Variants in FN1 observed in about 807,000 individuals in gnomAD.
FN1 encodes the protein fibronectin.
In FN1, 106 loss-of-function variants were observed where a neutral mutation model predicts 297.3. The observed-to-expected ratio is 0.36, with a 90% CI of 0.30 to 0.42. The LOEUF is 0.42. Ranked by LOEUF, FN1 falls within the 10% of genes least tolerant of loss-of-function variation. The probability of loss-of-function intolerance (pLI) is 1.00; values close to 1 mark genes in which losing one functional copy is unlikely to be tolerated. For missense variants in FN1, 2,690 were observed against 3,124.9 expected (o/e 0.86, Z 3.32); for synonymous variants, 1,149 against 1,152.6 (o/e 1.00, Z 0.06).
rs149278155 is a variant in FN1 at position 215,384,935 on chromosome 2, G to T, written c.4654C>A (p.Pro1552Thr). ...TCCCAGCTGATCAGTAGGCTGGTGG[G>T]GGTCGCAGCAACAACTTCCAGGTCC... The part of the protein sequence containing the change: ...PRDLEVVAAT[P>T]TSLLISWDAP... Residue 1552 changes from proline (P) to threonine (T), a missense_variant, in exon 29 of 46, where the codon CCC becomes ACC. Physicochemically the swap from Pro to Thr is conservative, Grantham distance 38. Coordinates refer to ENST00000354785, the MANE Select transcript of FN1 (RefSeq NM_212482.4). 2.5e-6 allele frequency: 4 copies of T among 1,613,824 alleles called. No individual in the cohort carries two copies. The African/African-American group carries it at 5.3e-5, about 22-fold the overall frequency.
intron 13 of FN1, among the ~76,000 whole-genome samples, chr2:215,412,760 C>CTGTTTTTT (rs2062844766): frequency 5.1e-5 from 5 of 97,570 alleles, no homozygotes; most frequent in Non-Finnish European, 8.1e-5. Context: ...TATTAAGTAT[C>CTGTTTTTT]TTTTTTTTTT....
intron 20 of FN1, 119 bp from the exon 21 acceptor site, chr2:215,399,470 G>T: frequency 1.4e-6 from 1 of 725,410 alleles, no homozygotes; most frequent in Non-Finnish European, 2.5e-6. Flanking sequence ...GATAGAGGAT[G>T]TAACATATTT....
At chr2:215,420,401 T>C (rs2064113872) in intron 11 of FN1, among the ~76,000 whole-genome samples, 1 of 151,568 alleles carries the variant, frequency 6.6e-6, no homozygotes, top group African/African-American at 2.4e-5. Flanking sequence ...TTTAATAGCA[T>C]GGATTATCTT....
intron 6 of FN1, among the ~76,000 whole-genome samples, chr2:215,427,868 G>A (rs1309711307): frequency 2.0e-5 from 3 of 152,104 alleles, no homozygotes; most frequent in South Asian, 2.1e-4. Context: ...GTGTGTGTGC[G>A]TGTGTGCGTG....
In FN1 at chr2:215,386,733, T is replaced by C; in HGVS notation, c.4568A>G (p.Asn1523Ser). 1 of 1,614,046 alleles carries C rather than the reference T, an allele frequency of 6.2e-7. No individual in the cohort carries two copies. The highest frequency in any genetic ancestry group is 8.5e-7 in the Non-Finnish European group (1 of 1,179,988). ...CAATAAGGGACTTTCCTCTCTGCCA[T>C]TAAGAGCAACGATGCTGACCACATA... Reference protein sequence around the residue: ...TEYVVSIVALNGREESPLLIG... With the variant: ...TEYVVSIVALSGREESPLLIG... The change falls in exon 28 of 46, where the codon AAT becomes AGT. Residue 1523 changes from asparagine (N) to serine (S), a missense_variant. Asn to Ser is a conservative substitution (Grantham distance 46, BLOSUM62 1). Coordinates refer to ENST00000354785, the MANE Select transcript of FN1 (RefSeq NM_212482.4).
chr2:215,373,437 T>TTA, intron 38 of FN1, 26 bp from the exon 39 acceptor site: 1 of 1,580,136 alleles, frequency 6.3e-7, no homozygotes, highest in Non-Finnish European at 8.7e-7. Flanking sequence ...AACCATCACA[T>TTA]TATGTCAATG....
Position 215,386,910 on chromosome 2 carries a change from G to C in FN1, c.4391C>G (p.Ser1464Cys). 6.2e-7 allele frequency: 1 copy of C among 1,613,286 alleles called. No individual in the cohort carries two copies. The highest frequency in any genetic ancestry group is 1.3e-5 in the African/African-American group (1 of 74,912). Residue 1464 changes from serine (S) to cysteine (C), a missense_variant, in exon 28 of 46, where the codon TCT becomes TGT. Around this residue, in one of 3 missense-constraint regions of FN1, gnomAD observed 1,743 missense variants for 1,945.2 expected, o/e 0.90. Coordinates refer to ENST00000354785, the MANE Select transcript of FN1 (RefSeq NM_212482.4). ...GIDFSDITAN[S>C]FTVHWIAPRA... The stretch of plus-strand genomic sequence containing the variant: ...AGGAGCAATCCAGTGCACAGTAAAA[G>C]AGTTGGCAGTAATATCAGAAAAGTC...
intron 44 of FN1, chr2:215,363,176 C>T (rs1319656428): frequency 6.6e-6 from 1 of 152,178 alleles, no homozygotes; most frequent in Non-Finnish European, 1.5e-5. Flanking sequence ...ACAGTTTCCA[C>T]TCCTGTCTTA....
Position 215,372,076 on chromosome 2 carries a change from C to A in FN1, c.6547G>T (p.Glu2183Ter), listed in dbSNP as rs754396418. The stretch of plus-strand genomic sequence containing the variant: ...GGGTACAGGTGATAGTCTACATCTT[C>A]CCTGGGGATGTGACCAATTTGGATT... Reference protein sequence around the residue: ...EEIQIGHIPREDVDYHLYPHG... With the variant: ...EEIQIGHIPR The change falls in exon 40 of 46, where the codon GAA becomes TAA. Residue 2183 changes from glutamate to a stop codon, truncating the protein, a stop_gained. Transcript: ENST00000354785. LOFTEE classifies it high-confidence loss of function. The A allele has an allele frequency of 6.8e-6, 11 of 1,614,064 alleles. No homozygotes were observed. The highest frequency in any genetic ancestry group is 9.3e-6 in the Non-Finnish European group (11 of 1,180,044).
At position 215,372,137 on chromosome 2, in the gene FN1, A is replaced by G. The variant is rs762840394; in HGVS notation, c.6486T>C (p.His2162=). The G allele has an allele frequency of 9.2e-5, 148 of 1,614,114 alleles. No individual in the cohort carries two copies. Among genetic ancestry groups the G allele is most frequent in the East Asian group, 1.6e-4 (7 of 44,892 alleles). ...TPPTTATPIR[H]RPRPYPPNVG... is the part of the protein sequence containing the mutation. The stretch of plus-strand genomic sequence containing the variant: ...CATTCGGCGGGTATGGTCTTGGCCT[A>G]TGCCTTATGGGGGTGGCCGTTGTGG... Residue 2162 remains histidine (H), a synonymous_variant, in exon 40 of 46, where the codon CAT becomes CAC. Coordinates refer to ENST00000354785, the MANE Select transcript of FN1 (RefSeq NM_212482.4).
intron 17 of FN1, among the ~76,000 whole-genome samples, chr2:215,407,633 T>C (rs1006843043): frequency 2.0e-5 from 3 of 152,196 alleles, no homozygotes; most frequent in Admixed American, 6.5e-5. Flanking sequence ...TTTTCCTCTT[T>C]GAGCTCCAGA....
intron 10 of FN1, 66 bp downstream of exon 10, chr2:215,422,025 T>TA (rs934064189): frequency 2.6e-4 from 390 of 1,491,864 alleles, no homozygotes; most frequent in Middle Eastern, 6.8e-4. Flanking sequence ...CAAGTTTTCA[T>TA]AAAAAAAAGT....
At chr2:215,425,514 C>A (rs1233520219) in intron 6 of FN1, among the ~76,000 whole-genome samples, 2 of 152,120 alleles carry the variant, frequency 1.3e-5, no homozygotes, top group East Asian at 3.9e-4. Context: ...TCAGCTGGGG[C>A]TACTGGGATT....
intron 40 of FN1, 106 bp from the exon 41 acceptor site, chr2:215,370,538 G>GAAAAAAA: frequency 1.0e-5 from 4 of 393,362 alleles, no homozygotes; most frequent in South Asian, 5.1e-5. Context: ...AGCAAAGGAA[G>GAAAAAAA]ACAAAAAACA....
chr2:215,414,822 G>T lies in FN1; in HGVS notation c.1941+15C>A. On this transcript the variant is annotated intron_variant, in intron 13 of 45. Coordinates refer to ENST00000354785, the MANE Select transcript of FN1 (RefSeq NM_212482.4). ...AGGAGACTCAGTATCCAAGGTTTCT[G>T]GGTGGGATACTCACAGGTCTCCACC... is the stretch of plus-strand genomic sequence containing the variant. 1 of 1,613,686 alleles carries T rather than the reference G, an allele frequency of 6.2e-7. No homozygotes were observed. Among genetic ancestry groups the T allele is most frequent in the Non-Finnish European group, 8.5e-7 (1 of 1,179,828 alleles).
At chr2:215,425,802 C>T (rs1040639624) in intron 6 of FN1, among the ~76,000 whole-genome samples, 4 of 152,092 alleles carry the variant, frequency 2.6e-5, no homozygotes, top group Non-Finnish European at 5.9e-5. Context: ...AAACTCCTGA[C>T]CTCAGGGGAT....
intron 40 of FN1, among the ~76,000 whole-genome samples, chr2:215,371,358 G>A (rs932422151): frequency 6.6e-6 from 1 of 151,120 alleles, no homozygotes; most frequent in Non-Finnish European, 1.5e-5. Context: ...GCACAGCTTC[G>A]CCTGTTTTTT....
At chr2:215,370,218 G>T in intron 41 of FN1, 76 bp downstream of exon 41, 1 of 1,444,970 alleles carries the variant, frequency 6.9e-7, no homozygotes, top group Non-Finnish European at 9.7e-7. Context: ...GGCAACAAAG[G>T]TACAGTCAAC....
chr2:215,424,512 G>C (rs746787470), intron 7 of FN1, among the ~76,000 whole-genome samples, 187 bp from the exon 8 acceptor site: 9 of 150,624 alleles, frequency 6.0e-5, no homozygotes, highest in Non-Finnish European at 8.9e-5. Context: ...ACTGTGGATA[G>C]AACGACACCT....
Sources: gnomAD v4.1 joint callset for allele counts (sites outside exome capture counted in the v4.1 genomes callset) on GRCh38, gnomAD v4.1.1 for gene constraint, gnomAD v4.1.1 regional missense constraint, MANE v1.5 for transcripts, NCBI Gene and HGNC (gene_info 2026-07-23, HGNC 2026-07-21) for gene names.